The following ARID5B variants were observed in gnomAD, a reference collection of about 807,000 sequenced individuals.
The protein encoded by ARID5B is AT-rich interaction domain 5B, also known as AT-rich interactive domain-containing protein 5B.
ARID5B carries 13 observed loss-of-function variants against 97.2 expected under a neutral mutation model. The ratio of observed to expected loss-of-function variants is 0.13; its 90% CI spans 0.09 to 0.21. The LOEUF is 0.21. ARID5B is among the 10% of genes least tolerant of loss of function. ARID5B has a pLI of 1.00. For missense variants in ARID5B, 1,210 were observed against 1,465.3 expected, an observed-to-expected ratio of 0.83 and a Z score of 2.84; for synonymous variants, 556 against 570.3, an observed-to-expected ratio of 0.97 and a Z score of 0.36.
chr10:61,913,282 T>C (rs1176831693), intron 2 of ARID5B, among the ~76,000 whole-genome samples: 1 of 152,238 alleles, frequency 6.6e-6, no homozygotes, highest in Non-Finnish European at 1.5e-5. Flanking sequence ...TAGGCATGGC[T>C]AGCTTAAAGT....
At chr10:62,010,650 A>G (rs1427189222) in intron 4 of ARID5B, among the ~76,000 whole-genome samples, 1 of 152,242 alleles carries the variant, frequency 6.6e-6, no homozygotes, top group Non-Finnish European at 1.5e-5. Context: ...CCAAAGAGAC[A>G]TTGTTCGTAA....
chr10:62,093,671 T>A lies in ARID5B; in HGVS notation c.*641T>A, dbSNP rs1840421388. On this transcript the variant is annotated 3_prime_UTR_variant, in exon 10 of 10. Coordinates refer to ENST00000279873, the MANE Select transcript of ARID5B (RefSeq NM_032199.3). ...CTCGTCTTTTTTTTTTTTTTTTTTT[T>A]TTTTTTTATTAAATGGTATTGCTTT... 2 of 228,640 alleles carry A rather than the reference T, an allele frequency of 8.7e-6. No individual in the cohort carries two copies. Among genetic ancestry groups the A allele is most frequent in the African/African-American group, 4.5e-5 (2 of 44,520 alleles). The allele number at this position is 228,640 out of a possible 1,614,324, so 14.2% of individuals were successfully genotyped here. A position where few individuals can be genotyped will look rare whatever the true frequency, so the allele number is the denominator to read the frequency against.
chr10:61,962,810 G>T (rs922041434), intron 3 of ARID5B, among the ~76,000 whole-genome samples: 1 of 152,140 alleles, frequency 6.6e-6, no homozygotes, highest in Non-Finnish European at 1.5e-5. Flanking sequence ...TTAGTTATCC[G>T]TTAAGTCACC....
chr10:61,960,436 T>C (rs1052549327), intron 3 of ARID5B, among the ~76,000 whole-genome samples: 1 of 152,198 alleles, frequency 6.6e-6, no homozygotes, highest in Non-Finnish European at 1.5e-5. Context: ...AAGGATTCTT[T>C]TGGAAGCCTT....
chr10:61,903,160 G>C (rs963559279), intron 2 of ARID5B, among the ~76,000 whole-genome samples: 3 of 152,146 alleles, frequency 2.0e-5, no homozygotes, highest in South Asian at 2.1e-4. Context: ...GCGATCTTTG[G>C]GGGTGTGTGG....
At chr10:62,051,267 G>A (rs1839786283) in intron 5 of ARID5B, among the ~76,000 whole-genome samples, 1 of 152,134 alleles carries the variant, frequency 6.6e-6, no homozygotes. Flanking sequence ...AAGGACAGAT[G>A]ATTAAGCACC....
intron 3 of ARID5B, among the ~76,000 whole-genome samples, chr10:61,973,037 A>C (rs1186996391): frequency 6.6e-6 from 1 of 152,198 alleles, no homozygotes; most frequent in African/African-American, 2.4e-5. Flanking sequence ...TCCAGCTCTC[A>C]GACTATGATG....
At position 61,986,614 on chromosome 10, in the gene ARID5B, C is replaced by A. The variant is rs4948495; in HGVS notation, c.503-13477C>A. 1.8e-3 allele frequency among the ~76,000 whole-genome samples: 271 copies of A among 152,208 alleles called. 1 individual carries two copies. The highest frequency in any genetic ancestry group is 4.6e-3 in the Admixed American group (70 of 15,280). On this transcript the variant is annotated intron_variant, in intron 3 of 9. Transcript: ENST00000279873. Reference sequence around the variant, plus strand: ...TAAAGTCAGAAAAAGCAGCATCTTCCCCCCTGTGCATTAAAATGTCCATTA... The same window carrying A: ...TAAAGTCAGAAAAAGCAGCATCTTCACCCCTGTGCATTAAAATGTCCATTA...
intron 7 of ARID5B, among the ~76,000 whole-genome samples, chr10:62,067,720 G>T (rs969944097): frequency 2.6e-5 from 4 of 152,238 alleles, no homozygotes; most frequent in African/African-American, 9.6e-5. Context: ...CAACCATATG[G>T]ATCCTAGTTT....
intron 3 of ARID5B, among the ~76,000 whole-genome samples, chr10:61,951,262 C>T (rs2132811526): frequency 6.6e-6 from 1 of 152,300 alleles, no homozygotes; most frequent in South Asian, 2.1e-4. Context: ...ACAGTAGGGG[C>T]TGAGCAAATA....
rs553195113 is a variant in ARID5B, at chr10:62,096,628, A to T, written c.*3598A>T. ...AACTTTCCTGTGTTGTAAATATTGT[A>T]TACTTTTGGTGATTCCAGCTATGTA... On this transcript the variant is annotated 3_prime_UTR_variant, in exon 10 of 10. Coordinates refer to ENST00000279873, the MANE Select transcript of ARID5B (RefSeq NM_032199.3). 8.6e-6 allele frequency: 2 copies of T among 233,550 alleles called. No individual in the cohort carries two copies. The highest frequency in any genetic ancestry group is 4.4e-5 in the African/African-American group (2 of 45,458). The allele number at this position is 233,550 out of a possible 1,614,324, so 14.5% of individuals were successfully genotyped here. A position where few individuals can be genotyped will look rare whatever the true frequency, so the allele number is the denominator to read the frequency against.
At chr10:62,009,960 C>T (rs7068908) in intron 4 of ARID5B, among the ~76,000 whole-genome samples, 5,292 of 152,256 alleles carry the variant, frequency 0.035, 305 homozygotes, top group African/African-American at 0.12. Context: ...GAGATTGTTT[C>T]CTCTGCCATT....
intron 7 of ARID5B, among the ~76,000 whole-genome samples, chr10:62,066,760 G>A (rs1254436853): frequency 2.0e-5 from 3 of 152,072 alleles, no homozygotes; most frequent in South Asian, 2.1e-4. Flanking sequence ...GCATTCCCTC[G>A]TTTAGATGGT....
rs74156302 is a variant in ARID5B at position 61,996,478 on chromosome 10, C to A, written c.503-3613C>A. On this transcript the variant is annotated intron_variant, in intron 3 of 9. Coordinates refer to ENST00000279873, the MANE Select transcript of ARID5B (RefSeq NM_032199.3). The stretch of plus-strand genomic sequence containing the variant: ...GCAGAGGTAGGAGGATTGCTTGGGC[C>A]CAGGAGTTTTGGGTCCAGCCTGAAG... 2.2e-3 allele frequency among the ~76,000 whole-genome samples: 341 copies of A among 151,992 alleles called. 1 individual carries two copies. The highest frequency in any genetic ancestry group is 7.9e-3 in the African/African-American group (328 of 41,438).
Position 62,092,184 on chromosome 10 carries a change from T to C in ARID5B, c.2721T>C (p.Asp907=). The change falls in exon 10 of 10, where the codon GAT becomes GAC. Residue 907 remains aspartate (D), a synonymous_variant. Transcript: ENST00000279873. Reference sequence around the variant, plus strand: ...CCCCTACGGATGATCAGCCTACAGATCTGAGCCTTCCCAAGAACCCGCACA... The same window carrying C: ...CCCCTACGGATGATCAGCCTACAGACCTGAGCCTTCCCAAGAACCCGCACA... ...AEAPTDDQPT[D]LSLPKNPHKP... 2.5e-6 allele frequency: 4 copies of C among 1,610,164 alleles called. No individual in the cohort carries two copies. Among genetic ancestry groups the C allele is most frequent in the Non-Finnish European group, 3.4e-6 (4 of 1,178,498 alleles).
At chr10:62,058,833 G>T (rs1839888581) in intron 6 of ARID5B, among the ~76,000 whole-genome samples, 1 of 152,140 alleles carries the variant, frequency 6.6e-6, no homozygotes, top group African/African-American at 2.4e-5. Flanking sequence ...ATTGATTATG[G>T]AGAGTTCTTA....
chr10:61,906,026 C>T (rs923850219), intron 2 of ARID5B, among the ~76,000 whole-genome samples: 6 of 152,112 alleles, frequency 3.9e-5, no homozygotes, highest in African/African-American at 1.4e-4. Context: ...TAATCTTGAA[C>T]AACCATAAGT....
In ARID5B at chr10:62,093,679, A is replaced by G. The variant is rs1265754829; in HGVS notation, c.*649A>G. ...TTTTTTTTTTTTTTTTTTTTTTTTT[A>G]TTAAATGGTATTGCTTTTGTTTGCA... is the stretch of plus-strand genomic sequence containing the variant. On this transcript the variant is annotated 3_prime_UTR_variant, in exon 10 of 10. Transcript: ENST00000279873. 1 of 57,580 alleles carries G rather than the reference A, an allele frequency of 1.7e-5. No homozygotes were observed. The allele number at this position is 57,580 out of a possible 1,614,324, so 3.6% of individuals were successfully genotyped here.
At chr10:61,922,642 G>A (rs1844038373) in intron 2 of ARID5B, among the ~76,000 whole-genome samples, 1 of 152,178 alleles carries the variant, frequency 6.6e-6, no homozygotes, top group Admixed American at 6.5e-5. Flanking sequence ...CAGTGGTTGA[G>A]GAGAGGCTTT....
Sources: allele counts gnomAD v4.1 joint callset (sites outside exome capture counted in the v4.1 genomes callset), GRCh38; gene constraint gnomAD v4.1.1; transcripts MANE v1.5; gene names NCBI Gene and HGNC (gene_info 2026-07-23, HGNC 2026-07-21).